The following FAM81A variants were observed in gnomAD, a reference collection of about 807,000 sequenced individuals.
FAM81A encodes family with sequence similarity 81 member A.
FAM81A carries 19 observed loss-of-function variants against 46.7 expected under a neutral mutation model. The ratio of observed to expected loss-of-function variants is 0.41; its 90% CI spans 0.28 to 0.60. FAM81A has a LOEUF of 0.60. FAM81A is among the 20% of genes least tolerant of loss of function. The pLI, the probability that FAM81A is intolerant of heterozygous loss-of-function variation, is 0.34. For missense variants in FAM81A, 377 were observed against 453.5 expected (o/e 0.83, Z 1.53); for synonymous variants, 183 against 152.9 (o/e 1.20, Z -1.45).
At position 59,523,158 on chromosome 15, in the gene FAM81A, G is replaced by T. The variant is rs1403149696; in HGVS notation, c.*1780G>T. ...CGACACCTGGGAAGAGGGAGGCGGG[G>T]AACACCAGCTGGACTCTGGCCAAGG... is the stretch of plus-strand genomic sequence containing the variant. On this transcript the variant is annotated 3_prime_UTR_variant, in exon 9 of 9. Transcript: ENST00000288228. 1 of 152,282 alleles carries T rather than the reference G, an allele frequency of 6.6e-6. No individual in the cohort carries two copies. Among genetic ancestry groups the T allele is most frequent in the Non-Finnish European group, 1.5e-5 (1 of 68,084 alleles). The allele number at this position is 152,282 out of a possible 1,614,324, so 9.4% of individuals were successfully genotyped here.
intron 3 of FAM81A, among the ~76,000 whole-genome samples, chr15:59,477,725 C>A (rs2081791167): frequency 6.6e-6 from 1 of 152,196 alleles, no homozygotes; most frequent in African/African-American, 2.4e-5. Flanking sequence ...CTTGCCCCTT[C>A]CAGAACCCTA....
At chr15:59,431,613 C>T (rs2081220567) in intron 2 of FAM81A, among the ~76,000 whole-genome samples, 1 of 151,384 alleles carries the variant, frequency 6.6e-6, no homozygotes, top group South Asian at 2.1e-4. Context: ...GATCCTCTGG[C>T]CTCAACCGCC....
chr15:59,514,000 C>G (rs1299103012), intron 6 of FAM81A, among the ~76,000 whole-genome samples: 1 of 151,262 alleles, frequency 6.6e-6, no homozygotes. Flanking sequence ...ACCACATGTT[C>G]TTACTTATAA....
chr15:59,483,929 A>G (rs933238393), intron 3 of FAM81A, among the ~76,000 whole-genome samples: 2 of 152,164 alleles, frequency 1.3e-5, no homozygotes, highest in Non-Finnish European at 2.9e-5. Context: ...CTCGTTCCCC[A>G]CTGCCTCTCA....
chr15:59,456,550 C>T (rs1172578854), intron 1 of FAM81A, among the ~76,000 whole-genome samples: 1 of 152,054 alleles, frequency 6.6e-6, no homozygotes, highest in African/African-American at 2.4e-5. Context: ...TGCTTTTTTT[C>T]ACAGGGTTAG....
rs566793251 is a variant in FAM81A at position 59,474,881 on chromosome 15, C to G, written c.294+14675C>G. ...TCTTTTCTACTTTACCTCTTAGAAG[C>G]TCTTCTAGAACCTGATCTTCTATAA... is the stretch of plus-strand genomic sequence containing the variant. On this transcript the variant is annotated intron_variant, in intron 3 of 8. Coordinates refer to ENST00000288228, the MANE Select transcript of FAM81A (RefSeq NM_152450.3). Among the ~76,000 whole-genome samples, 4 of 152,286 alleles carry G rather than the reference C, an allele frequency of 2.6e-5. No homozygotes were observed. The South Asian group carries it at 8.3e-4, about 32-fold the overall frequency.
intron 2 of FAM81A, among the ~76,000 whole-genome samples, chr15:59,431,513 G>C (rs576036215): frequency 4.9e-4 from 73 of 150,434 alleles, no homozygotes; most frequent in Non-Finnish European, 7.4e-4. Context: ...GATTACAGGC[G>C]TGAGCCACTG....
intron 1 of FAM81A, among the ~76,000 whole-genome samples, chr15:59,449,557 G>A (rs113231122): frequency 0.068 from 10,311 of 152,072 alleles, 602 homozygotes; most frequent in East Asian, 0.22. Flanking sequence ...CAAGGCGGGC[G>A]GATCACGAGG....
intron 4 of FAM81A, among the ~76,000 whole-genome samples, chr15:59,505,427 G>A (rs2082138797): frequency 6.6e-6 from 1 of 151,784 alleles, no homozygotes; most frequent in African/African-American, 2.4e-5. Flanking sequence ...CAGGAGAACG[G>A]CTTGAACCCA....
chr15:59,419,591 A>G (rs2081161854), intron 2 of FAM81A, among the ~76,000 whole-genome samples: 1 of 152,120 alleles, frequency 6.6e-6, no homozygotes, highest in Non-Finnish European at 1.5e-5. Flanking sequence ...AAAAAACAAC[A>G]GGCCGGGCAC....
At chr15:59,437,191 CG>C (rs2081248974), upstream of FAM81A, among the ~76,000 whole-genome samples, 2 of 152,024 alleles carry the variant, frequency 1.3e-5, no homozygotes, top group African/African-American at 4.8e-5. Context: ...ATTCCAAAAC[CG>C]CTCAGCCGAA....
chr15:59,460,006 C>A lies in FAM81A; in HGVS notation c.94C>A (p.Gln32Lys). The A allele has an allele frequency of 6.2e-7, 1 of 1,613,684 alleles. No homozygotes were observed. The highest frequency in any genetic ancestry group is 8.5e-7 in the Non-Finnish European group (1 of 1,179,772). ...APYSSVSLVE[Q>K]LEDRILCHEK... ...ATACTCATCTGTAAGCCTCGTGGAGCAGCTGGAAGACAGGATCCTCTGCCA... is the reference window on the plus strand; with the variant it reads ...ATACTCATCTGTAAGCCTCGTGGAGAAGCTGGAAGACAGGATCCTCTGCCA... Residue 32 changes from glutamine to lysine, a missense_variant, in exon 3 of 9, where the codon CAG becomes AAG. Physicochemically the swap from Gln to Lys is moderately conservative, Grantham distance 53. Coordinates refer to ENST00000288228, the MANE Select transcript of FAM81A (RefSeq NM_152450.3). This position sits in a 1 kb window ranked among gnomAD's most constrained non-coding sequence, Gnocchi z 4.4.
At chr15:59,484,461 G>C (rs1265515334) in intron 3 of FAM81A, among the ~76,000 whole-genome samples, 1 of 152,206 alleles carries the variant, frequency 6.6e-6, no homozygotes, top group African/African-American at 2.4e-5. Flanking sequence ...GCACTGAAGA[G>C]GGTAGGAAGG....
At chr15:59,479,839 A>G (rs2081827255) in intron 3 of FAM81A, among the ~76,000 whole-genome samples, 1 of 152,328 alleles carries the variant, frequency 6.6e-6, no homozygotes, top group Non-Finnish European at 1.5e-5. Flanking sequence ...CAGCCAAGGA[A>G]TTTAAATAAT....
At chr15:59,470,620 A>T (rs2081674514) in intron 3 of FAM81A, among the ~76,000 whole-genome samples, 1 of 151,988 alleles carries the variant, frequency 6.6e-6, no homozygotes, top group Non-Finnish European at 1.5e-5. Flanking sequence ...TTTTTTCAAG[A>T]TTTTTAGCTT....
chr15:59,420,214 A>AT (rs2081165823), intron 2 of FAM81A, among the ~76,000 whole-genome samples: 1 of 152,232 alleles, frequency 6.6e-6, no homozygotes, highest in Non-Finnish European at 1.5e-5. Context: ...CATCTCTTAC[A>AT]TGCAGCTTCT....
intron 1 of FAM81A, among the ~76,000 whole-genome samples, chr15:59,452,723 C>T (rs925661020): frequency 1.3e-5 from 2 of 152,040 alleles, no homozygotes; most frequent in South Asian, 2.1e-4. Flanking sequence ...AGTGTCAATT[C>T]GAAAATGCAG....
At chr15:59,506,989 T>A (rs1209879506) in intron 4 of FAM81A, among the ~76,000 whole-genome samples, 1 of 152,186 alleles carries the variant, frequency 6.6e-6, no homozygotes, top group Non-Finnish European at 1.5e-5. Context: ...AAGACTTTAT[T>A]TCTTTGGTGG....
intron 4 of FAM81A, among the ~76,000 whole-genome samples, chr15:59,500,888 T>C (rs1004676248): frequency 6.6e-6 from 1 of 152,176 alleles, no homozygotes; most frequent in Admixed American, 6.5e-5. Flanking sequence ...TGAAGAAACA[T>C]TGTTATTATA....
Sources: gnomAD v4.1 joint callset for allele counts (sites outside exome capture counted in the v4.1 genomes callset) on GRCh38, gnomAD v4.1.1 for gene constraint, Gnocchi (gnomAD v3.1) non-coding constraint, MANE v1.5 for transcripts, NCBI Gene and HGNC (gene_info 2026-07-23, HGNC 2026-07-21) for gene names.